Variants in SLC28A1 observed in about 807,000 individuals in gnomAD.
The protein encoded by SLC28A1 is solute carrier family 28 member 1.
Under a neutral mutation model 74.8 loss-of-function variants are expected in SLC28A1, and 64 were observed. That is an observed-to-expected ratio of 0.86 (90% CI 0.70 to 1.05). SLC28A1 has a LOEUF of 1.05. SLC28A1 is among the 50% of genes least tolerant of loss of function. The probability of loss-of-function intolerance (pLI) is 0.00; values close to 1 mark genes in which losing one functional copy is unlikely to be tolerated. For missense variants in SLC28A1, 828 were observed against 822.8 expected (o/e 1.01, Z -0.08); for synonymous variants, 359 against 335.0 (o/e 1.07, Z -0.78).
At chr15:84,936,223 G>A (rs978023859) in intron 15 of SLC28A1, among the ~76,000 whole-genome samples, 3 of 149,546 alleles carry the variant, frequency 2.0e-5, no homozygotes, top group African/African-American at 7.4e-5. Context: ...GATTACAAGC[G>A]TGAGCCACTG....
At chr15:84,898,245 G>A (rs932457031) in intron 6 of SLC28A1, among the ~76,000 whole-genome samples, 17 of 151,924 alleles carry the variant, frequency 1.1e-4, no homozygotes, top group Admixed American at 5.9e-4. Context: ...TGGGCAAATT[G>A]TATGACATGT....
At chr15:84,891,889 G>A (rs1025761895) in intron 5 of SLC28A1, among the ~76,000 whole-genome samples, 1 of 152,140 alleles carries the variant, frequency 6.6e-6, no homozygotes, top group Non-Finnish European at 1.5e-5. Flanking sequence ...ACGAGCTGAG[G>A]TGGGGAGTTT....
At chr15:84,944,985 A>ATGGGGAGGT in intron 18 of SLC28A1, 118 bp downstream of exon 18, 1 of 1,063,896 alleles carries the variant, frequency 9.4e-7, no homozygotes, top group Non-Finnish European at 1.5e-6. Context: ...GCTGCAGCTA[A>ATGGGGAGGT]TGGGGAGGTG....
intron 8 of SLC28A1, among the ~76,000 whole-genome samples, chr15:84,906,260 T>A (rs945878709): frequency 1.3e-5 from 2 of 152,140 alleles, no homozygotes; most frequent in Admixed American, 1.3e-4. Flanking sequence ...CCTCAGACGA[T>A]TCGCTTGCCT....
chr15:84,910,343 G>A (rs374405663), intron 9 of SLC28A1, among the ~76,000 whole-genome samples: 2 of 152,212 alleles, frequency 1.3e-5, no homozygotes, highest in African/African-American at 4.8e-5. Context: ...GGGGGTACCC[G>A]AAGTTTCAGA....
rs1324036570 is a variant in SLC28A1 at position 84,945,589 on chromosome 15, CT to C, written c.*391del. ...ACACCAAAGCCTCCTCCCCTCCCCA[CT>C]TCCTAGGCACTAGGATCTCTCTGTG... On this transcript the variant is annotated 3_prime_UTR_variant, in exon 19 of 19. Transcript: ENST00000394573. 1.3e-5 allele frequency: 4 copies of C among 314,602 alleles called. No homozygotes were observed. Among genetic ancestry groups the C allele is most frequent in the Non-Finnish European group, 2.5e-5 (4 of 161,184 alleles). 19.5% of individuals were successfully genotyped at this position (314,602 alleles called of 1,614,324 possible).
intron 4 of SLC28A1, 46 bp downstream of exon 4, chr15:84,888,906 G>T: frequency 7.3e-7 from 1 of 1,378,684 alleles, no homozygotes; most frequent in South Asian, 1.2e-5. Context: ...GGTGGAGGCT[G>T]CTTGGGAACA....
chr15:84,892,152 C>G (rs1407080233), intron 5 of SLC28A1, among the ~76,000 whole-genome samples: 2 of 151,820 alleles, frequency 1.3e-5, no homozygotes, highest in African/African-American at 4.8e-5. Flanking sequence ...GAGTTTGAGA[C>G]CAGCCTGGGC....
chr15:84,901,535 CA>C (rs199862962), intron 6 of SLC28A1, among the ~76,000 whole-genome samples: 1 of 116,446 alleles, frequency 8.6e-6, no homozygotes, highest in Non-Finnish European at 2.0e-5. Flanking sequence ...AACAAACAAA[CA>C]AAAAACAAAA....
chr15:84,925,003 C>T (rs1190029763), intron 12 of SLC28A1, among the ~76,000 whole-genome samples: 1 of 148,204 alleles, frequency 6.7e-6, no homozygotes, highest in Non-Finnish European at 1.5e-5. Context: ...CTGGTTCAAG[C>T]GTTTCTCCTG....
At position 84,904,158 on chromosome 15, in the gene SLC28A1, C is replaced by CGGCCTGAGCAACTGGT; in HGVS notation, c.525_540dup (p.Ser181AlafsTer2). The CGGCCTGAGCAACTGGT allele has an allele frequency of 6.2e-7, 1 of 1,614,204 alleles. No homozygotes were observed. Among genetic ancestry groups the CGGCCTGAGCAACTGGT allele is most frequent in the Non-Finnish European group, 8.5e-7 (1 of 1,180,026 alleles). On this transcript the variant is annotated frameshift_variant, in exon 7 of 19. Coordinates refer to ENST00000394573, the MANE Select transcript of SLC28A1 (RefSeq NM_004213.5). LOFTEE classifies it high-confidence loss of function. Reference sequence around the variant, plus strand: ...GTGGCTGTCTCTGGACACCTCCCAGCGGCCTGAGCAACTGGTGTCCTTCGC... The same window carrying CGGCCTGAGCAACTGGT: ...GTGGCTGTCTCTGGACACCTCCCAGCGGCCTGAGCAACTGGTGGCCTGAGCAACTGGTGTCCTTCGC...
chr15:84,917,916 G>A (rs1340070285), intron 9 of SLC28A1, among the ~76,000 whole-genome samples: 1 of 152,190 alleles, frequency 6.6e-6, no homozygotes, highest in Non-Finnish European at 1.5e-5. Flanking sequence ...GAATGGGTGA[G>A]CTTGGAGTGA....
chr15:84,924,091 G>A lies in SLC28A1; in HGVS notation c.1064G>A (p.Gly355Asp), dbSNP rs760798468. 11 of 1,613,424 alleles carry A rather than the reference G, an allele frequency of 6.8e-6. No homozygotes were observed. The Admixed American group carries it at 1.7e-4, about 24-fold the overall frequency. ...GCCACCATTGCTGGCAGCCTGCTGGGTGCCTACATCTCCTTTGGGGTAGGT... is the reference window on the plus strand; with the variant it reads ...GCCACCATTGCTGGCAGCCTGCTGGATGCCTACATCTCCTTTGGGGTAGGT... ...GYATIAGSLL[G>D]AYISFGIDAT... Residue 355 changes from glycine (G) to aspartate (D), a missense_variant, in exon 12 of 19, where the codon GGT becomes GAT. By Grantham distance (94) the Gly-to-Asp change is moderately conservative (BLOSUM62 -1). This residue lies in a region of SLC28A1 where 767 missense variants were observed against 753.5 expected (regional missense o/e 1.02). Transcript: ENST00000394573.
At chr15:84,943,868 C>T (rs1972994567) in intron 16 of SLC28A1, among the ~76,000 whole-genome samples, 1 of 151,810 alleles carries the variant, frequency 6.6e-6, no homozygotes, top group African/African-American at 2.4e-5. Context: ...CGCACCACTG[C>T]ACTCCAGCCT....
intron 8 of SLC28A1, 122 bp from the exon 9 acceptor site, chr15:84,908,596 C>G: frequency 2.5e-6 from 2 of 789,208 alleles, no homozygotes; most frequent in Non-Finnish European, 4.4e-6. Context: ...TGCCCCCCCC[C>G]GGATAAGGGC....
the SLC28A1 span, among the ~76,000 whole-genome samples, chr15:84,961,055 C>T: frequency 2.0e-5 from 3 of 152,188 alleles, no homozygotes; most frequent in African/African-American, 4.8e-5. Flanking sequence ...TGTGTGTCCT[C>T]GGGCAAGATA....
intron 3 of SLC28A1, among the ~76,000 whole-genome samples, chr15:84,888,296 G>A (rs1193042757): frequency 6.6e-6 from 1 of 152,058 alleles, no homozygotes; most frequent in East Asian, 1.9e-4. Context: ...GAGCCTGGTA[G>A]GATACCCTGC....
rs762429221 is a variant in SLC28A1 at position 84,924,083 on chromosome 15, C to A, written c.1056C>A (p.Ser352Arg). ...GAGGTTACGCCACCATTGCTGGCAG[C>A]CTGCTGGGTGCCTACATCTCCTTTG... ...MTGGYATIAG[S>R]LLGAYISFGI... The change falls in exon 12 of 19, where the codon AGC (serine) becomes AGA (arginine). Residue 352 changes from serine (S) to arginine (R), a missense_variant. Physicochemically the swap from Ser to Arg is moderately radical, Grantham distance 110. Around this residue, in one of 3 missense-constraint regions of SLC28A1, gnomAD observed 767 missense variants for 753.5 expected, o/e 1.02. Transcript: ENST00000394573. 2.5e-6 allele frequency: 4 copies of A among 1,613,736 alleles called. No individual in the cohort carries two copies. The highest frequency in any genetic ancestry group is 2.5e-6 in the Non-Finnish European group (3 of 1,179,984).
intron 8 of SLC28A1, among the ~76,000 whole-genome samples, chr15:84,906,575 TTCCTTCCTTC>T (rs1567140809): frequency 6.1e-4 from 24 of 39,576 alleles, no homozygotes; most frequent in Admixed American, 9.3e-4. Context: ...TCTTTCTTTC[TTCCTTCCTTC>T]CTTCCTTCCT....
Sources: gnomAD v4.1 joint callset for allele counts (sites outside exome capture counted in the v4.1 genomes callset) on GRCh38, gnomAD v4.1.1 for gene constraint, gnomAD v4.1.1 regional missense constraint, MANE v1.5 for transcripts, NCBI Gene and HGNC (gene_info 2026-07-23, HGNC 2026-07-21) for gene names.